The following KMT2C variants were observed in gnomAD, a reference collection of about 807,000 sequenced individuals.
KMT2C encodes histone-lysine N-methyltransferase 2C.
Under a neutral mutation model 507.9 loss-of-function variants are expected in KMT2C, and 88 were observed. The ratio of observed to expected loss-of-function variants is 0.17; its 90% CI spans 0.15 to 0.21. KMT2C has a LOEUF of 0.21. Among genes scored for constraint, KMT2C ranks in the 10% least tolerant of loss-of-function variants. KMT2C has a pLI of 1.00. For missense variants in KMT2C, 4,954 were observed against 5,957.8 expected, an observed-to-expected ratio of 0.83 and a Z score of 5.55; for synonymous variants, 2,049 against 2,080.8, an observed-to-expected ratio of 0.98 and a Z score of 0.42.
intron 1 of KMT2C, among the ~76,000 whole-genome samples, chr7:152,425,116 T>C (rs2097803627): frequency 6.6e-6 from 1 of 152,254 alleles, no homozygotes. Flanking sequence ...TACCATCTCC[T>C]TTATTTACTG....
chr7:152,176,847 G>T lies in KMT2C; in HGVS notation c.8606C>A (p.Ser2869Tyr), dbSNP rs975829892. ...HSDLNDGEKTSLHPCDPDLFE... is the reference protein window; with the variant it reads ...HSDLNDGEKTYLHPCDPDLFE... ...TAGATCTGGATCACAAGGATGCAAA[G>T]AAGTCTTTTCTCCATCATTTAGGTC... The change falls in exon 38 of 59, where the codon TCT becomes TAT. Residue 2869 changes from serine to tyrosine, a missense_variant. Ser to Tyr is a moderately radical substitution (Grantham distance 144, BLOSUM62 -2). Around this residue, in one of 29 missense-constraint regions of KMT2C, gnomAD observed 1,689 missense variants for 1,654.3 expected, o/e 1.02. Coordinates refer to ENST00000262189, the MANE Select transcript of KMT2C (RefSeq NM_170606.3). 2 of 1,614,208 alleles carry T rather than the reference G, an allele frequency of 1.2e-6. No individual in the cohort carries two copies. The highest frequency in any genetic ancestry group is 2.2e-5 in the East Asian group (1 of 44,890).
chr7:152,306,242 T>G (rs1006332452), intron 6 of KMT2C, among the ~76,000 whole-genome samples: 1 of 152,134 alleles, frequency 6.6e-6, no homozygotes, highest in Non-Finnish European at 1.5e-5. Context: ...TGCATCTGGG[T>G]AGGTGGTAAT....
chr7:152,328,642 T>G (rs1276060653), intron 3 of KMT2C, among the ~76,000 whole-genome samples: 1 of 152,002 alleles, frequency 6.6e-6, no homozygotes, highest in Non-Finnish European at 1.5e-5. Flanking sequence ...TTTGCAACTG[T>G]GCTATAAACA....
At chr7:152,317,388 T>C (rs930397003) in intron 3 of KMT2C, among the ~76,000 whole-genome samples, 11 of 152,094 alleles carry the variant, frequency 7.2e-5, no homozygotes, top group Non-Finnish European at 8.8e-5. Context: ...GCAAACAACA[T>C]TGTGCCCAAC....
In KMT2C at chr7:152,401,098, CTT is replaced by C. The variant is rs200213396; in HGVS notation, c.161+34526_161+34527del. On this transcript the variant is annotated intron_variant, in intron 1 of 58. Coordinates refer to ENST00000262189, the MANE Select transcript of KMT2C (RefSeq NM_170606.3). ...TAATAATGTAGAAACTATTCATTAA[CTT>C]TTTTTTTTTTTTTTTCACTCTGTCA... is the stretch of plus-strand genomic sequence containing the variant. Among the ~76,000 whole-genome samples the C allele has an allele frequency of 8.1e-3, 1,125 of 139,688 alleles. 16 individuals carry two copies. The highest frequency in any genetic ancestry group is 0.028 in the African/African-American group (1,079 of 38,482). The allele number at this position is 139,688 out of a possible 152,430, so 91.6% of individuals were successfully genotyped here.
intron 9 of KMT2C, among the ~76,000 whole-genome samples, chr7:152,255,116 T>TATATATATATATATATATATATATAC (rs2095628729): frequency 1.0e-5 from 1 of 95,742 alleles, no homozygotes; most frequent in Non-Finnish European, 1.8e-5. Flanking sequence ...CACTTATATA[T>TATATATATATATATATATATATATAC]ATATATATAT....
chr7:152,334,207 G>A (rs545848475), intron 2 of KMT2C, among the ~76,000 whole-genome samples: 207 of 152,324 alleles, frequency 1.4e-3, no homozygotes, highest in African/African-American at 4.7e-3. Context: ...TGTAATCCCA[G>A]CACTTTGGGA....
At chr7:152,348,616 A>G (rs1057485757) in intron 2 of KMT2C, among the ~76,000 whole-genome samples, 2 of 150,088 alleles carry the variant, frequency 1.3e-5, no homozygotes, top group East Asian at 1.9e-4. Context: ...AAAAAAAAAA[A>G]AAAAAAAAGA....
rs2097171408 is a variant in KMT2C at position 152,358,627 on chromosome 7, A to G, written c.210T>C (p.Asp70=). The G allele has an allele frequency of 1.2e-6, 2 of 1,612,406 alleles. No individual in the cohort carries two copies. The highest frequency in any genetic ancestry group is 8.5e-7 in the Non-Finnish European group (1 of 1,179,160). ...TTTCTGTTTCTGTTGTCTCCAGCCC[A>G]TCCATGCTGTCCTCATCTTCCACTG... ...KTAVEDEDSM[D]GLETTETETI... Residue 70 remains aspartate, a synonymous_variant, in exon 2 of 59, where the codon GAT becomes GAC. Transcript: ENST00000262189.
chr7:152,224,997 T>A (rs2094885011), intron 18 of KMT2C, among the ~76,000 whole-genome samples: 2 of 152,158 alleles, frequency 1.3e-5, no homozygotes, highest in Admixed American at 1.3e-4. Context: ...ATTTCCATGC[T>A]TAGAATCAAT....
intron 2 of KMT2C, among the ~76,000 whole-genome samples, chr7:152,346,442 C>T (rs1229952654): frequency 2.0e-5 from 3 of 152,088 alleles, no homozygotes; most frequent in Non-Finnish European, 4.4e-5. Context: ...AGCTTAAAAT[C>T]CCAAAATACT....
intron 3 of KMT2C, among the ~76,000 whole-genome samples, chr7:152,317,808 C>A (rs978259603): frequency 2.0e-5 from 3 of 152,088 alleles, no homozygotes; most frequent in Non-Finnish European, 4.4e-5. Context: ...GATTTTGAGA[C>A]CAGCCTGGGC....
At chr7:152,401,013 A>G (rs2097569063) in intron 1 of KMT2C, among the ~76,000 whole-genome samples, 1 of 152,196 alleles carries the variant, frequency 6.6e-6, no homozygotes, top group Non-Finnish European at 1.5e-5. Context: ...ACCAAGAAAC[A>G]ATACAAAGAA....
rs757772875 is a variant in KMT2C at position 152,150,974 on chromosome 7, C to T, written c.12700G>A (p.Asp4234Asn). 5.6e-6 allele frequency: 9 copies of T among 1,612,634 alleles called. No individual in the cohort carries two copies. Among genetic ancestry groups the T allele is most frequent in the Non-Finnish European group, 7.6e-6 (9 of 1,178,940 alleles). ...CAGTTATTACTACAGAAGACAATGT[C>T]CTTCTCTACCCTCTTGGTGCTTTCT... ...SRESTKRVEK[D>N]IVFCSNNCFI... is the part of the protein sequence containing the mutation. The change falls in exon 51 of 59, where the codon GAC becomes AAC. Residue 4234 changes from aspartate (D) to asparagine (N), a missense_variant. Physicochemically the swap from Asp to Asn is conservative, Grantham distance 23. Coordinates refer to ENST00000262189, the MANE Select transcript of KMT2C (RefSeq NM_170606.3).
chr7:152,181,059 C>T lies in KMT2C; in HGVS notation c.6801G>A (p.Arg2267=), dbSNP rs767068791. 2 of 1,614,140 alleles carry T rather than the reference C, an allele frequency of 1.2e-6. No homozygotes were observed. Among genetic ancestry groups the T allele is most frequent in the Non-Finnish European group, 1.7e-6 (2 of 1,180,024 alleles). The change falls in exon 36 of 59, where the codon AGG becomes AGA. Residue 2267 remains arginine (R), a synonymous_variant. Coordinates refer to ENST00000262189, the MANE Select transcript of KMT2C (RefSeq NM_170606.3). ...RGPALPGPLV[R]PPDTCSQTPR... is the part of the protein sequence containing the mutation. ...GTGTCTGGGAACATGTATCAGGTGG[C>T]CTTACCAACGGGCCAGGTAAAGCTG...
intron 31 of KMT2C, 98 bp downstream of exon 31, chr7:152,193,911 A>T: frequency 9.2e-7 from 1 of 1,087,654 alleles, no homozygotes; most frequent in South Asian, 2.7e-5. Context: ...ATACGTGGCT[A>T]CTAAAGAATA....
intron 33 of KMT2C, among the ~76,000 whole-genome samples, chr7:152,186,774 G>A (rs751253536): frequency 6.6e-6 from 1 of 151,820 alleles, no homozygotes; most frequent in Non-Finnish European, 1.5e-5. Flanking sequence ...TCATTCACTG[G>A]TTAATCAGAA....
intron 22 of KMT2C, 133 bp downstream of exon 22, chr7:152,221,868 A>C: frequency 1.5e-6 from 1 of 656,852 alleles, no homozygotes; most frequent in Admixed American, 2.8e-5. Flanking sequence ...TCATTGTGGA[A>C]ATGATTACCA....
chr7:152,167,381 G>C lies in KMT2C; in HGVS notation c.9518-3C>G. 1.3e-6 allele frequency: 2 copies of C among 1,584,966 alleles called. No individual in the cohort carries two copies. Among genetic ancestry groups the C allele is most frequent in the Non-Finnish European group, 1.7e-6 (2 of 1,157,754 alleles). On this transcript the variant is annotated splice_polypyrimidine_tract_variant and splice_region_variant and intron_variant, in intron 41 of 58. Coordinates refer to ENST00000262189, the MANE Select transcript of KMT2C (RefSeq NM_170606.3). ...ATACTGCTTACGCTGTGAATCATCT[G>C]AGGAAAAATTAAAATTCAGTTGTGT...
Sources: gnomAD v4.1 joint callset for allele counts (sites outside exome capture counted in the v4.1 genomes callset) on GRCh38, gnomAD v4.1.1 for gene constraint, gnomAD v4.1.1 regional missense constraint, MANE v1.5 for transcripts, NCBI Gene and HGNC (gene_info 2026-07-23, HGNC 2026-07-21) for gene names.